The following RTCB variants were observed in gnomAD, a reference collection of about 807,000 sequenced individuals.
RTCB encodes RNA-splicing ligase RTCB.
A neutral mutation model predicts 58.2 loss-of-function variants in RTCB; 32 were observed. That is an observed-to-expected ratio of 0.55 (90% CI 0.41 to 0.74). RTCB has a LOEUF of 0.74. Among genes scored for constraint, RTCB ranks in the 30% least tolerant of loss-of-function variants. The pLI, the probability that RTCB is intolerant of heterozygous loss-of-function variation, is 0.00. For synonymous variants in RTCB, 247 were observed against 218.6 expected (o/e 1.13, Z -1.15); for missense variants, 523 against 639.0 (o/e 0.82, Z 1.96).
At chr22:32,394,782 C>T (rs186790275) in intron 9 of RTCB, among the ~76,000 whole-genome samples, 34 of 152,246 alleles carry the variant, frequency 2.2e-4, no homozygotes, top group Admixed American at 1.2e-3. Flanking sequence ...TCAAAGGCCT[C>T]AATTCACGGT....
intron 11 of RTCB, among the ~76,000 whole-genome samples, chr22:32,390,829 T>C (rs1168428062): frequency 1.3e-5 from 2 of 152,230 alleles, no homozygotes; most frequent in Non-Finnish European, 2.9e-5. Flanking sequence ...AAATAAGTCT[T>C]TGTCATACTC....
chr22:32,407,919 CCTGA>C (rs1053746727), intron 3 of RTCB: 5 of 457,872 alleles, frequency 1.1e-5, no homozygotes, highest in Admixed American at 3.5e-5. Flanking sequence ...TGACATCACA[CCTGA>C]CTAATTTTTT....
At chr22:32,394,778 G>A (rs1933215788) in intron 9 of RTCB, among the ~76,000 whole-genome samples, 1 of 152,024 alleles carries the variant, frequency 6.6e-6, no homozygotes, top group South Asian at 2.1e-4. Context: ...TAATTCAAAG[G>A]CCTCAATTCA....
chr22:32,393,037 A>G (rs1318975593), intron 10 of RTCB, among the ~76,000 whole-genome samples: 1 of 152,220 alleles, frequency 6.6e-6, no homozygotes, highest in East Asian at 1.9e-4. Context: ...CCTGGGCTCA[A>G]GCAATCCTCC....
chr22:32,399,222 A>C (rs189293871), intron 6 of RTCB, among the ~76,000 whole-genome samples: 2 of 152,146 alleles, frequency 1.3e-5, no homozygotes, highest in African/African-American at 4.8e-5. Flanking sequence ...CTGCAGCCTC[A>C]AACTCCTAGG....
rs758943575 is a variant in RTCB, at chr22:32,412,033, G to A, written c.93+31C>T. On this transcript the variant is annotated intron_variant, in intron 1 of 11. Coordinates refer to ENST00000216038, the MANE Select transcript of RTCB (RefSeq NM_014306.5). ...CCGGCCGGGCCGGGGACGGAGCACG[G>A]AAGGCCCCGCCATTTGCTCTCCTGC... 5.1e-6 allele frequency: 8 copies of A among 1,559,432 alleles called. No homozygotes were observed. In the South Asian group the frequency reaches 9.1e-5, roughly 18 times the overall value.
chr22:32,402,454 T>C (rs1449328164), intron 4 of RTCB, among the ~76,000 whole-genome samples: 2 of 152,232 alleles, frequency 1.3e-5, no homozygotes, highest in Non-Finnish European at 2.9e-5. Context: ...TAAGTACTTT[T>C]ATTTTTCATT....
At position 32,401,737 on chromosome 22, in the gene RTCB, G is replaced by C. The variant is rs1933339081; in HGVS notation, c.497+10C>G. ...CTCCCATACCATGTACTGGAAACGT[G>C]TGCTCTTACTTGGCATTCATTGGGA... On this transcript the variant is annotated intron_variant, in intron 5 of 11. Transcript: ENST00000216038. 2 of 1,613,572 alleles carry C rather than the reference G, an allele frequency of 1.2e-6. No individual in the cohort carries two copies. The highest frequency in any genetic ancestry group is 1.3e-5 in the African/African-American group (1 of 75,018).
At chr22:32,404,012 G>C (rs144902240) in intron 4 of RTCB, among the ~76,000 whole-genome samples, 10 of 152,228 alleles carry the variant, frequency 6.6e-5, no homozygotes, top group Non-Finnish European at 1.5e-4. Context: ...AGGATTCCCT[G>C]TCTTTTCCCT....
Position 32,398,092 on chromosome 22 carries a change from G to T in RTCB, c.663C>A (p.Thr221=). 1 of 1,611,490 alleles carries T rather than the reference G, an allele frequency of 6.2e-7. No individual in the cohort carries two copies. The highest frequency in any genetic ancestry group is 8.5e-7 in the Non-Finnish European group (1 of 1,179,354). ...AKKRGLPQLG[T]LGAGNHYAEI... The stretch of plus-strand genomic sequence containing the variant: ...CTGCATAATGGTTGCCTGCTCCCAG[G>T]GTCCCCAACTGCAAATGTAAAAATG... The change falls in exon 7 of 12, where the codon ACC becomes ACA. Residue 221 remains threonine (T), a synonymous_variant. Transcript: ENST00000216038.
intron 3 of RTCB, 147 bp from the exon 4 acceptor site, chr22:32,406,908 T>C: frequency 1.8e-6 from 1 of 563,260 alleles, no homozygotes; most frequent in Non-Finnish European, 3.2e-6. Context: ...TCTATATGCA[T>C]GGAAATAGTA....
At chr22:32,411,292 T>A (rs1281648286) in intron 1 of RTCB, among the ~76,000 whole-genome samples, 2 of 152,180 alleles carry the variant, frequency 1.3e-5, no homozygotes, top group Admixed American at 6.5e-5. Context: ...TTGCAAAACT[T>A]CATAAACGTT....
At chr22:32,393,859 G>C (rs2145890110) in intron 10 of RTCB, 33 bp downstream of exon 10, 2 of 1,412,874 alleles carry the variant, frequency 1.4e-6, no homozygotes, top group Non-Finnish European at 2.0e-6. Flanking sequence ...AAACTGAAGA[G>C]AGCATTTCTA....
In RTCB at chr22:32,406,626, T is replaced by A. The variant is rs370626567; in HGVS notation, c.340+36A>T. 2.6e-5 allele frequency: 38 copies of A among 1,483,992 alleles called. 2 individuals carry two copies. The highest frequency in any genetic ancestry group is 2.1e-4 in the African/African-American group (15 of 72,222). 91.9% of individuals were successfully genotyped at this position (1,483,992 alleles called of 1,614,324 possible). A position where few individuals can be genotyped will look rare whatever the true frequency, so the allele number is the denominator to read the frequency against. On this transcript the variant is annotated intron_variant, in intron 4 of 11. Coordinates refer to ENST00000216038, the MANE Select transcript of RTCB (RefSeq NM_014306.5). ...GTGAGCCACCGTGCCCGGCCAATGC[T>A]ACACACTTAACAGCAGATGTCCACA...
intron 1 of RTCB, among the ~76,000 whole-genome samples, chr22:32,410,121 A>C (rs1933495512): frequency 6.6e-6 from 1 of 152,164 alleles, no homozygotes; most frequent in Admixed American, 6.5e-5. Flanking sequence ...CAGCCAGTAC[A>C]GCCCTTATAT....
At chr22:32,392,112 G>T in intron 11 of RTCB, 128 bp downstream of exon 11, 1 of 935,498 alleles carries the variant, frequency 1.1e-6, no homozygotes, top group Non-Finnish European at 1.6e-6. Context: ...AGCCAAAATT[G>T]AGGTCATAAA....
chr22:32,395,029 G>A lies in RTCB; in HGVS notation c.1176C>T (p.Tyr392=), dbSNP rs1285280094. 1 of 1,612,618 alleles carries A rather than the reference G, an allele frequency of 6.2e-7. No homozygotes were observed. The highest frequency in any genetic ancestry group is 1.7e-5 in the Admixed American group (1 of 59,976). Residue 392 remains tyrosine, a synonymous_variant, in exon 9 of 12, where the codon TAC becomes TAT. Transcript: ENST00000216038. ...PPHHPLIAVD[Y]QLTGQPVLIG... ...CTACAAACGTAGAGCTACGTACTTGGTAATCAACAGCAATGAGGGGATGGT... is the reference window on the plus strand; with the variant it reads ...CTACAAACGTAGAGCTACGTACTTGATAATCAACAGCAATGAGGGGATGGT...
intron 4 of RTCB, among the ~76,000 whole-genome samples, chr22:32,402,616 ATTTCT>A (rs1933357061): frequency 7.5e-6 from 1 of 133,062 alleles, no homozygotes; most frequent in Non-Finnish European, 1.6e-5. Flanking sequence ...CACCCAGCTA[ATTTCT>A]TTTATTTTTA....
intron 5 of RTCB, among the ~76,000 whole-genome samples, chr22:32,401,030 T>G (rs1463606561): frequency 6.6e-6 from 1 of 151,930 alleles, no homozygotes; most frequent in African/African-American, 2.4e-5. Flanking sequence ...GCAGTAGGAT[T>G]CAGAATACAG....
Sources: allele counts gnomAD v4.1 joint callset (sites outside exome capture counted in the v4.1 genomes callset), GRCh38; gene constraint gnomAD v4.1.1; transcripts MANE v1.5; gene names NCBI Gene and HGNC (gene_info 2026-07-23, HGNC 2026-07-21).